The following NTRK2 variants were observed in gnomAD, a reference collection of about 807,000 sequenced individuals.
The protein encoded by NTRK2 is neurotrophic receptor tyrosine kinase 2.
In NTRK2, 13 loss-of-function variants were observed where a neutral mutation model predicts 94.5. The ratio of observed to expected loss-of-function variants is 0.14; its 90% CI spans 0.09 to 0.22. The LOEUF (loss-of-function observed/expected upper bound fraction) is 0.22. NTRK2 is among the 10% of genes least tolerant of loss of function. The probability of loss-of-function intolerance (pLI) is 1.00; values close to 1 mark genes in which losing one functional copy is unlikely to be tolerated. For missense variants in NTRK2, 639 were observed against 1,071.2 expected (o/e 0.60, Z 5.63); for synonymous variants, 372 against 407.4 (o/e 0.91, Z 1.05).
At chr9:84,989,667 A>T (rs759686256) in intron 17 of NTRK2, among the ~76,000 whole-genome samples, 1 of 152,220 alleles carries the variant, frequency 6.6e-6, no homozygotes, top group Non-Finnish European at 1.5e-5. Flanking sequence ...AATCTGGCTC[A>T]ATTTTCTCAT....
intron 8 of NTRK2, among the ~76,000 whole-genome samples, chr9:84,726,654 T>G (rs34926972): frequency 0.068 from 10,287 of 152,274 alleles, 607 homozygotes; most frequent in African/African-American, 0.15. Context: ...AGGGCCACTG[T>G]ATTAAACATC....
Position 84,670,747 on chromosome 9 carries a change from G to T in NTRK2, c.-2G>T. ...CACTCGGGCTGGCACTGGCTGCTAG[G>T]GATGTCGTCCTGGATAAGGTGGCAT... On this transcript the variant is annotated 5_prime_UTR_variant, in exon 2 of 19. Coordinates refer to ENST00000277120, the MANE Select transcript of NTRK2 (RefSeq NM_006180.6). The T allele has an allele frequency of 6.2e-7, 1 of 1,612,438 alleles. No individual in the cohort carries two copies.
chr9:84,724,486 T>A (rs2132035699), intron 8 of NTRK2, 130 bp downstream of exon 8: 2 of 1,038,288 alleles, frequency 1.9e-6, no homozygotes, highest in Non-Finnish European at 1.5e-6. Context: ...GTGCATACTC[T>A]ATTAAGAAAC....
Position 84,920,701 on chromosome 9 carries a change from T to C in NTRK2, c.1634-13461T>C, listed in dbSNP as rs115597340. Among the ~76,000 whole-genome samples the C allele has an allele frequency of 9.2e-3, 1,406 of 152,302 alleles. 30 individuals are homozygous for C. Among genetic ancestry groups the C allele is most frequent in the African/African-American group, 0.032 (1,331 of 41,568 alleles). On this transcript the variant is annotated intron_variant, in intron 14 of 18. Transcript: ENST00000277120. ...AAATCCGTTGAAAAATCTCATCCAT[T>C]AGGACTTACATTGCCCTTCACTTCA... is the stretch of plus-strand genomic sequence containing the variant.
chr9:85,002,678 A>G (rs1363644926), intron 17 of NTRK2, among the ~76,000 whole-genome samples: 1 of 152,220 alleles, frequency 6.6e-6, no homozygotes, highest in Non-Finnish European at 1.5e-5. Flanking sequence ...CCATCAGCAT[A>G]TATACTTCTT....
At chr9:84,899,886 A>G (rs1051405752) in intron 14 of NTRK2, among the ~76,000 whole-genome samples, 1 of 152,216 alleles carries the variant, frequency 6.6e-6, no homozygotes, top group Non-Finnish European at 1.5e-5. Context: ...GGTGGACACC[A>G]AGCTTCTCAA....
chr9:84,871,977 G>T (rs1365672690), intron 14 of NTRK2: 1 of 1,562,772 alleles, frequency 6.4e-7, no homozygotes, highest in Non-Finnish European at 8.6e-7. Context: ...CAAGCAAGAA[G>T]TTGCCTTTCC....
intron 17 of NTRK2, among the ~76,000 whole-genome samples, chr9:85,018,007 C>T (rs931275412): frequency 1.3e-5 from 2 of 152,032 alleles, no homozygotes; most frequent in Admixed American, 1.3e-4. Context: ...CCTTTGATTT[C>T]ATCTTACCCA....
At chr9:84,749,251 A>G (rs764794926) in intron 11 of NTRK2, among the ~76,000 whole-genome samples, 18 of 152,140 alleles carry the variant, frequency 1.2e-4, no homozygotes, top group South Asian at 6.2e-4. Context: ...GTCTATACTC[A>G]AACATTTGCA....
At chr9:84,863,274 G>T (rs909003770) in intron 13 of NTRK2, among the ~76,000 whole-genome samples, 11 of 152,142 alleles carry the variant, frequency 7.2e-5, no homozygotes, top group Non-Finnish European at 1.0e-4. Flanking sequence ...AGAAATGTCT[G>T]TAAAGTCATA....
intron 2 of NTRK2, among the ~76,000 whole-genome samples, chr9:84,695,073 A>AAAAAAAAAAAC (rs1554694511): frequency 7.5e-6 from 1 of 133,908 alleles, no homozygotes. Flanking sequence ...AAAAAAAAAA[A>AAAAAAAAAAAC]ACACACAACA....
chr9:84,811,446 C>T (rs2071777219), intron 12 of NTRK2: 2 of 1,065,578 alleles, frequency 1.9e-6, no homozygotes, highest in African/African-American at 1.6e-5. Flanking sequence ...GAAATTATAA[C>T]CTTGCCCTTT....
intron 12 of NTRK2, among the ~76,000 whole-genome samples, chr9:84,765,008 A>G (rs1320451115): frequency 6.6e-6 from 1 of 152,182 alleles, no homozygotes; most frequent in Non-Finnish European, 1.5e-5. Flanking sequence ...ATAAAAGCCA[A>G]AACAATTGAA....
chr9:84,867,017 G>A (rs1466711496), intron 13 of NTRK2, among the ~76,000 whole-genome samples: 1 of 152,158 alleles, frequency 6.6e-6, no homozygotes, highest in Non-Finnish European at 1.5e-5. Context: ...GAGATAGAGT[G>A]TAAATCTGTG....
intron 12 of NTRK2, among the ~76,000 whole-genome samples, chr9:84,794,583 A>G (rs1165140442): frequency 1.3e-5 from 2 of 152,214 alleles, no homozygotes; most frequent in East Asian, 3.9e-4. Flanking sequence ...TAAATGAGCT[A>G]TGTATAAAAT....
intron 14 of NTRK2, among the ~76,000 whole-genome samples, chr9:84,870,331 G>GTATGTATA (rs1554757547): frequency 1.3e-4 from 4 of 31,176 alleles, no homozygotes; most frequent in African/African-American, 3.5e-4. Flanking sequence ...GTGTGTGTGT[G>GTATGTATA]TATATATATA....
At chr9:84,926,169 C>CCTTG (rs2077790007) in intron 14 of NTRK2, among the ~76,000 whole-genome samples, 7 of 38,566 alleles carry the variant, frequency 1.8e-4, no homozygotes, top group African/African-American at 6.4e-4. Context: ...TTCCTTCCTT[C>CCTTG]CTTTCTTTCT....
intron 11 of NTRK2, among the ~76,000 whole-genome samples, chr9:84,750,083 C>T (rs2064449946): frequency 6.6e-6 from 1 of 152,092 alleles, no homozygotes; most frequent in South Asian, 2.1e-4. Flanking sequence ...GCAGGTGGAG[C>T]AGGGTTCCTC....
chr9:84,871,451 C>T (rs1383356230), intron 14 of NTRK2, among the ~76,000 whole-genome samples: 1 of 152,176 alleles, frequency 6.6e-6, no homozygotes, highest in African/African-American at 2.4e-5. Context: ...CTGAGTTAGA[C>T]TTGAAGGATC....
Sources: gnomAD v4.1 joint callset for allele counts (sites outside exome capture counted in the v4.1 genomes callset) on GRCh38, gnomAD v4.1.1 for gene constraint, MANE v1.5 for transcripts, NCBI Gene and HGNC (gene_info 2026-07-23, HGNC 2026-07-21) for gene names.